The following IGFL2 variants were observed in gnomAD, a reference collection of about 807,000 sequenced individuals.
IGFL2 encodes the protein IGF like family member 2, also known as insulin growth factor-like family member 2.
Under a neutral mutation model 13.9 loss-of-function variants are expected in IGFL2, and 7 were observed. The ratio of observed to expected loss-of-function variants is 0.51; its 90% confidence interval spans 0.29 to 0.95. The LOEUF is 0.95. Among genes scored for constraint, IGFL2 ranks in the 40% least tolerant of loss-of-function variants. The pLI is 0.08. For synonymous variants in IGFL2, 55 were observed against 55.8 expected, an observed-to-expected ratio of 0.99 and a Z score of 0.07; for missense variants, 138 against 147.8, an observed-to-expected ratio of 0.93 and a Z score of 0.34.
At chr19:46,190,595 GAGGA>G in the IGFL2 span, among the ~76,000 whole-genome samples, 2 of 152,178 alleles carry the variant, frequency 1.3e-5, no homozygotes, top group African/African-American at 4.8e-5. Context: ...GTGTGTGAAT[GAGGA>G]AGGAGAGATA....
the IGFL2 span, among the ~76,000 whole-genome samples, chr19:46,171,536 ATCTC>A: frequency 6.6e-6 from 1 of 152,146 alleles, no homozygotes; most frequent in Non-Finnish European, 1.5e-5. Context: ...ATTTTTCTCT[ATCTC>A]CATTTTCTGT....
chr19:46,109,378 A>G, the IGFL2 span, among the ~76,000 whole-genome samples: 1 of 151,154 alleles, frequency 6.6e-6, no homozygotes, highest in Admixed American at 6.6e-5. Flanking sequence ...GCAGTGGCGC[A>G]ATCTTGGCTC....
chr19:46,192,004 G>T, the IGFL2 span, among the ~76,000 whole-genome samples: 1 of 152,104 alleles, frequency 6.6e-6, no homozygotes, highest in East Asian at 1.9e-4. Flanking sequence ...AACTTCATCA[G>T]CACAGCAATA....
At chr19:46,169,296 G>T in the IGFL2 span, among the ~76,000 whole-genome samples, 1 of 152,264 alleles carries the variant, frequency 6.6e-6, no homozygotes, top group African/African-American at 2.4e-5. Flanking sequence ...AATTTCAGTG[G>T]ACTAAATTAG....
the IGFL2 span, among the ~76,000 whole-genome samples, chr19:46,129,081 A>G: frequency 2.6e-5 from 4 of 152,088 alleles, no homozygotes; most frequent in Non-Finnish European, 5.9e-5. Flanking sequence ...GGGAGTGTAT[A>G]TGTCCAAAAA....
At chr19:46,119,564 T>C in the IGFL2 span, among the ~76,000 whole-genome samples, 4 of 141,838 alleles carry the variant, frequency 2.8e-5, no homozygotes, top group African/African-American at 1.1e-4. Context: ...ACTGGCTTAG[T>C]TGACGTCCAA....
the IGFL2 span, chr19:46,124,202 T>A: frequency 6.2e-7 from 1 of 1,609,542 alleles, no homozygotes; most frequent in Non-Finnish European, 8.5e-7. Context: ...GAACAGATAC[T>A]CAATTCCCAG....
the IGFL2 span, among the ~76,000 whole-genome samples, chr19:46,115,153 A>G: frequency 6.6e-6 from 1 of 152,172 alleles, no homozygotes; most frequent in Admixed American, 6.5e-5. Context: ...TGTTATGTGT[A>G]TGAAATACCT....
At chr19:46,167,045 G>A in the IGFL2 span, among the ~76,000 whole-genome samples, 9 of 152,362 alleles carry the variant, frequency 5.9e-5, no homozygotes, top group East Asian at 1.7e-3. Context: ...CAAGGGTATT[G>A]ATTGGGGAAG....
the IGFL2 span, among the ~76,000 whole-genome samples, chr19:46,112,758 T>A: frequency 1.3e-5 from 2 of 152,188 alleles, no homozygotes; most frequent in African/African-American, 4.8e-5. Flanking sequence ...TGAAAGTGAT[T>A]TGGAAGAATC....
chr19:46,200,509 C>CTTTTT, the IGFL2 span, among the ~76,000 whole-genome samples: 1 of 37,182 alleles, frequency 2.7e-5, no homozygotes, highest in African/African-American at 8.7e-5. Context: ...CTTTTCTTTT[C>CTTTTT]TCTTTTCTTT....
chr19:46,138,843 C>G (rs1972724409), upstream of IGFL2, among the ~76,000 whole-genome samples: 1 of 152,110 alleles, frequency 6.6e-6, no homozygotes, highest in Non-Finnish European at 1.5e-5. Context: ...CTGTCCAGGT[C>G]TGACAGTCAA....
the IGFL2 span, among the ~76,000 whole-genome samples, chr19:46,103,623 C>T: frequency 1.1e-4 from 17 of 151,882 alleles, no homozygotes; most frequent in East Asian, 3.9e-4. Context: ...AACAGGGGCA[C>T]GACACTTATG....
chr19:46,112,799 G>C, the IGFL2 span, among the ~76,000 whole-genome samples: 7 of 152,196 alleles, frequency 4.6e-5, no homozygotes, highest in African/African-American at 1.7e-4. Context: ...TAATGTTTTG[G>C]TTTGGTTTTT....
At chr19:46,092,385 C>T in the IGFL2 span, among the ~76,000 whole-genome samples, 4 of 151,886 alleles carry the variant, frequency 2.6e-5, no homozygotes, top group African/African-American at 7.2e-5. Context: ...AATCCCAGCA[C>T]GTTGGGAGGC....
chr19:46,168,940 A>ATGTG, the IGFL2 span, among the ~76,000 whole-genome samples: 2 of 140,688 alleles, frequency 1.4e-5, no homozygotes, highest in African/African-American at 5.7e-5. Flanking sequence ...GTGTGTGTGT[A>ATGTG]TGTGTATGTG....
the IGFL2 span, among the ~76,000 whole-genome samples, chr19:46,183,108 A>G: frequency 3.3e-4 from 50 of 152,256 alleles, no homozygotes; most frequent in Non-Finnish European, 5.4e-4. Context: ...CTCGACTTCA[A>G]TTATCATGGT....
At chr19:46,112,612 G>A in the IGFL2 span, among the ~76,000 whole-genome samples, 1 of 152,284 alleles carries the variant, frequency 6.6e-6, no homozygotes, top group South Asian at 2.1e-4. Flanking sequence ...ATGGATGAGT[G>A]GCTGAATCAA....
the IGFL2 span, chr19:46,137,191 C>G: frequency 6.3e-7 from 1 of 1,591,888 alleles, no homozygotes; most frequent in Non-Finnish European, 8.6e-7. Context: ...TCACAAACTT[C>G]ACAGAGCTTG....
Sources: allele counts gnomAD v4.1 joint callset (sites outside exome capture counted in the v4.1 genomes callset), GRCh38; gene constraint gnomAD v4.1.1; transcripts MANE v1.5; gene names NCBI Gene and HGNC (gene_info 2026-07-23, HGNC 2026-07-21).